The following NR5A1 variants were observed in gnomAD, a reference collection of about 807,000 sequenced individuals.
NR5A1 encodes nuclear receptor subfamily 5 group A member 1, also known as steroidogenic factor 1.
NR5A1 carries 6 observed loss-of-function variants against 42.7 expected under a neutral mutation model. That is an observed-to-expected ratio of 0.14 (90% CI 0.08 to 0.28). NR5A1 has a LOEUF of 0.28. Among genes scored for constraint, NR5A1 ranks in the 10% least tolerant of loss-of-function variants. The probability of loss-of-function intolerance (pLI) is 1.00; values close to 1 mark genes in which losing one functional copy is unlikely to be tolerated. For synonymous variants in NR5A1, 274 were observed against 277.5 expected, an observed-to-expected ratio of 0.99 and a Z score of 0.12; for missense variants, 442 against 626.4, an observed-to-expected ratio of 0.71 and a Z score of 3.14.
intron 1 of NR5A1, among the ~76,000 whole-genome samples, chr9:124,504,666 T>G (rs1832523768): frequency 1.3e-5 from 2 of 150,366 alleles, no homozygotes; most frequent in Admixed American, 6.6e-5. Flanking sequence ...GCGGCTGCGG[T>G]CGGCCCGGCG....
chr9:124,489,864 C>T (rs956394738), intron 6 of NR5A1, among the ~76,000 whole-genome samples: 7 of 151,922 alleles, frequency 4.6e-5, no homozygotes, highest in South Asian at 2.1e-4. Context: ...CCTGTTCTGC[C>T]AGAATCGGGA....
intron 1 of NR5A1, among the ~76,000 whole-genome samples, chr9:124,505,642 TGG>T (rs1419188639): frequency 2.2e-4 from 33 of 152,320 alleles, no homozygotes; most frequent in Admixed American, 1.0e-3. Flanking sequence ...GTCGCTGGGC[TGG>T]AAATGGGACT....
Position 124,482,724 on chromosome 9 carries a change from C to G in NR5A1, c.*34G>C. The stretch of plus-strand genomic sequence containing the variant: ...CCCGCCCAGGCCCCGCCCCCAGTCC[C>G]GCCCCCAGTCCCGGCCCCGCCCCCG... On this transcript the variant is annotated 3_prime_UTR_variant, in exon 7 of 7. Transcript: ENST00000373588. 127 of 1,292,722 alleles carry G rather than the reference C, an allele frequency of 9.8e-5. No individual in the cohort carries two copies. The highest frequency in any genetic ancestry group is 1.2e-4 in the Non-Finnish European group (114 of 936,568). 80.1% of individuals were successfully genotyped at this position (1,292,722 alleles called of 1,614,324 possible).
At position 124,498,758 on chromosome 9, in the gene NR5A1, C is replaced by T. The variant is rs1832423584; in HGVS notation, c.870+1332G>A. Among the ~76,000 whole-genome samples, 1 of 152,204 alleles carries T rather than the reference C, an allele frequency of 6.6e-6. No individual in the cohort carries two copies. The highest frequency in any genetic ancestry group is 1.5e-5 in the Non-Finnish European group (1 of 68,022). On this transcript the variant is annotated intron_variant, in intron 4 of 6. Transcript: ENST00000373588. This position sits in a 1 kb window ranked among gnomAD's most constrained non-coding sequence, Gnocchi z 4.6. ...TTGAGAAGGGGCTGGGGTGAGAAAC[C>T]CACCCCATGACAGACACATGGTACA...
intron 6 of NR5A1, among the ~76,000 whole-genome samples, chr9:124,486,907 C>A (rs993267054): frequency 1.3e-5 from 2 of 152,256 alleles, no homozygotes; most frequent in African/African-American, 2.4e-5. Context: ...GTCACTTCCC[C>A]TCTCTGAGCT....
rs1832460704 is a variant in NR5A1 at position 124,500,810 on chromosome 9, C to T, written c.245-95G>A. 1 of 1,586,748 alleles carries T rather than the reference C, an allele frequency of 6.3e-7. No homozygotes were observed. The stretch of plus-strand genomic sequence containing the variant: ...CTTTCCAAACAAATCTGACCGCTCT[C>T]TCCCCTGCTCAACACCCTTTCATGG... On this transcript the variant is annotated intron_variant, in intron 3 of 6. Coordinates refer to ENST00000373588, the MANE Select transcript of NR5A1 (RefSeq NM_004959.5). This position sits in a 1 kb window ranked among gnomAD's most constrained non-coding sequence, Gnocchi z 6.9.
intron 1 of NR5A1, among the ~76,000 whole-genome samples, chr9:124,505,709 C>CG (rs1269863485): frequency 1.3e-5 from 2 of 152,150 alleles, no homozygotes; most frequent in Non-Finnish European, 2.9e-5. Context: ...GAAGCCTCTA[C>CG]GGGCGCAGGA....
At chr9:124,495,295 A>G (rs1227388613) in intron 4 of NR5A1, among the ~76,000 whole-genome samples, 1 of 152,192 alleles carries the variant, frequency 6.6e-6, no homozygotes, top group African/African-American at 2.4e-5. Context: ...GCCAGCCCCC[A>G]TGGAGCCGCG....
At chr9:124,490,967 AG>A in intron 6 of NR5A1, 113 bp downstream of exon 6, 3 of 1,350,766 alleles carry the variant, frequency 2.2e-6, no homozygotes, top group Non-Finnish European at 3.1e-6. Context: ...TTTCTCCCCG[AG>A]GCTCCTTCGT....
At position 124,500,395 on chromosome 9, in the gene NR5A1, G is replaced by A. The variant is rs1483691434; in HGVS notation, c.565C>T (p.Pro189Ser). 7.0e-6 allele frequency: 11 copies of A among 1,560,522 alleles called. No homozygotes were observed. In the East Asian group the frequency reaches 2.4e-4, roughly 34 times the overall value. Reference protein sequence around the residue: ...PLAGYLYPAFPGRAIKSEYPE... With the variant: ...PLAGYLYPAFSGRAIKSEYPE... ...TACTCAGACTTGATGGCACGGCCAG[G>A]AAAGGCAGGGTAGAGGTAGCCAGCC... is the stretch of plus-strand genomic sequence containing the variant. The change falls in exon 4 of 7, where the codon CCT becomes TCT. Residue 189 changes from proline (P) to serine (S), a missense_variant. By Grantham distance (74) the Pro-to-Ser change is moderately conservative. Around this residue, in one of 3 missense-constraint regions of NR5A1, gnomAD observed 208 missense variants for 203.8 expected, o/e 1.02. Transcript: ENST00000373588. The surrounding 1 kb of genome is among the most constrained non-coding windows in gnomAD (Gnocchi z 6.9).
At chr9:124,494,991 C>T (rs1326602014) in intron 4 of NR5A1, among the ~76,000 whole-genome samples, 2 of 152,216 alleles carry the variant, frequency 1.3e-5, no homozygotes, top group Non-Finnish European at 2.9e-5. Flanking sequence ...TCCCTGGGGC[C>T]TGTGTCCTCA....
intron 4 of NR5A1, 86 bp from the exon 5 acceptor site, chr9:124,493,235 A>C: frequency 6.6e-7 from 1 of 1,517,004 alleles, no homozygotes; most frequent in South Asian, 1.3e-5. Context: ...ACTGAGACCC[A>C]ACTAGGCGTG....
intron 1 of NR5A1, among the ~76,000 whole-genome samples, chr9:124,504,055 G>GAA (rs1414120099): frequency 1.8e-4 from 27 of 147,436 alleles, no homozygotes; most frequent in African/African-American, 6.2e-4. Flanking sequence ...AGAGAGACGA[G>GAA]AGAGAGAGAG....
intron 4 of NR5A1, among the ~76,000 whole-genome samples, chr9:124,499,646 A>G (rs1405628627): frequency 1.3e-5 from 2 of 152,304 alleles, no homozygotes; most frequent in African/African-American, 4.8e-5. Flanking sequence ...CACTAGGCTG[A>G]AGCCTGGGGA....
intron 1 of NR5A1, among the ~76,000 whole-genome samples, chr9:124,504,793 C>A (rs1360776911): frequency 6.8e-6 from 1 of 146,292 alleles, no homozygotes; most frequent in African/African-American, 2.5e-5. Context: ...GCCGCCCGCC[C>A]GCGATGACGG....
At chr9:124,483,034 G>T in intron 6 of NR5A1, 29 bp from the exon 7 acceptor site, 1 of 1,612,598 alleles carries the variant, frequency 6.2e-7, no homozygotes, top group South Asian at 1.1e-5. Context: ...GGTCACCATC[G>T]CGTCACCATC....
Position 124,498,713 on chromosome 9 carries a change from G to C in NR5A1, c.870+1377C>G, listed in dbSNP as rs1006822356. Among the ~76,000 whole-genome samples the C allele has an allele frequency of 6.6e-6, 1 of 152,226 alleles. No homozygotes were observed. Among genetic ancestry groups the C allele is most frequent in the Non-Finnish European group, 1.5e-5 (1 of 68,038 alleles). On this transcript the variant is annotated intron_variant, in intron 4 of 6. Coordinates refer to ENST00000373588, the MANE Select transcript of NR5A1 (RefSeq NM_004959.5). The surrounding 1 kb of genome is among the most constrained non-coding windows in gnomAD (Gnocchi z 4.6). ...GCCTTTTGCCTCATCCATTAGGTCG[G>C]ACCAGAGAGGCGGGCAGTGTTGAGA...
intron 6 of NR5A1, among the ~76,000 whole-genome samples, chr9:124,488,683 TTAGGGATTAC>T (rs1191342435): frequency 1.3e-5 from 2 of 152,156 alleles, no homozygotes; most frequent in African/African-American, 4.8e-5. Context: ...TTGTAACAAG[TTAGGGATTAC>T]TAGGAGGGTC....
rs933918855 is a variant in NR5A1, at chr9:124,503,550, G to A, written c.-15-140C>T. 1.6e-6 allele frequency: 1 copy of A among 622,312 alleles called. No individual in the cohort carries two copies. Among genetic ancestry groups the A allele is most frequent in the African/African-American group, 2.0e-5 (1 of 50,342 alleles). 38.5% of individuals were successfully genotyped at this position (622,312 alleles called of 1,614,324 possible). A position where few individuals can be genotyped will look rare whatever the true frequency, so the allele number is the denominator to read the frequency against. On this transcript the variant is annotated intron_variant, in intron 1 of 6. Coordinates refer to ENST00000373588, the MANE Select transcript of NR5A1 (RefSeq NM_004959.5). The surrounding 1 kb of genome is among the most constrained non-coding windows in gnomAD (Gnocchi z 9.6). ...AGGCGCTGCCGCCGGCACCCACCGA[G>A]CGCCCCGCGCAGCGTCCCGGGGTGG... is the stretch of plus-strand genomic sequence containing the variant.
Sources: allele counts gnomAD v4.1 joint callset (sites outside exome capture counted in the v4.1 genomes callset), GRCh38; gene constraint gnomAD v4.1.1; regional missense constraint gnomAD v4.1.1; non-coding constraint Gnocchi (gnomAD v3.1); transcripts MANE v1.5; gene names NCBI Gene and HGNC (gene_info 2026-07-23, HGNC 2026-07-21).